The following PSD2 variants were observed in gnomAD, a reference collection of about 807,000 sequenced individuals.
PSD2 encodes PH and SEC7 domain-containing protein 2.
PSD2 carries 38 observed loss-of-function variants against 69.8 expected under a neutral mutation model. The observed-to-expected ratio is 0.54, with a 90% confidence interval of 0.42 to 0.71. The LOEUF (loss-of-function observed/expected upper bound fraction) is 0.71. PSD2 is among the 30% of genes least tolerant of loss of function. PSD2 has a pLI of 0.00. For synonymous variants in PSD2, 412 were observed against 423.0 expected (o/e 0.97, Z 0.32); for missense variants, 943 against 1,014.5 (o/e 0.93, Z 0.96).
rs571741918 is a variant in PSD2 at position 139,815,909 on chromosome 5, G to A, written c.1016+1545G>A. On this transcript the variant is annotated intron_variant, in intron 4 of 14. Coordinates refer to ENST00000274710, the MANE Select transcript of PSD2 (RefSeq NM_032289.4). The stretch of plus-strand genomic sequence containing the variant: ...CTCGGGAGGCTGAGGCAGGAGAATC[G>A]CTTGATCCTGGGAGGCGGAGGTTGC... 9.3e-5 allele frequency among the ~76,000 whole-genome samples: 14 copies of A among 149,912 alleles called. No homozygotes were observed. In the East Asian group the frequency reaches 9.9e-4, roughly 11 times the overall value.
At chr5:139,800,315 C>A (rs1759640631) in intron 1 of PSD2, among the ~76,000 whole-genome samples, 1 of 152,366 alleles carries the variant, frequency 6.6e-6, no homozygotes, top group South Asian at 2.1e-4. Context: ...CACTTTCAGT[C>A]CAAGCCCATG....
At chr5:139,749,895 G>T in the PSD2 span, among the ~76,000 whole-genome samples, 1 of 152,152 alleles carries the variant, frequency 6.6e-6, no homozygotes, top group African/African-American at 2.4e-5. Context: ...AGCTGGTATG[G>T]TGGTGTGAGC....
Position 139,809,493 on chromosome 5 carries a change from G to A in PSD2, c.53G>A (p.Arg18His), listed in dbSNP as rs746917815. The A allele has an allele frequency of 8.1e-6, 13 of 1,612,552 alleles. No individual in the cohort carries two copies. The highest frequency in any genetic ancestry group is 3.3e-5 in the Admixed American group (2 of 59,772). Residue 18 changes from arginine (R) to histidine (H), a missense_variant, in exon 2 of 15, where the codon CGT (arginine) becomes CAT (histidine). Coordinates refer to ENST00000274710, the MANE Select transcript of PSD2 (RefSeq NM_032289.4). Reference sequence around the variant, plus strand: ...GTGCCTGAGGAAGGCGATGCCACCCGTGACCCCGGTCCAGAGCCTGAAGAG... The same window carrying A: ...GTGCCTGAGGAAGGCGATGCCACCCATGACCCCGGTCCAGAGCCTGAAGAG... The part of the protein sequence containing the change: ...SAVPEEGDAT[R>H]DPGPEPEEEP...
At chr5:139,744,728 G>C in the PSD2 span, among the ~76,000 whole-genome samples, 4 of 152,108 alleles carry the variant, frequency 2.6e-5, no homozygotes, top group African/African-American at 4.8e-5. Context: ...TTTATGAGGC[G>C]GGCAGGAAGA....
the PSD2 span, among the ~76,000 whole-genome samples, chr5:139,790,120 G>A: frequency 8.5e-5 from 13 of 152,146 alleles, no homozygotes; most frequent in East Asian, 1.5e-3. Context: ...TGTGGCCTGC[G>A]TAAAGACTTG....
the PSD2 span, among the ~76,000 whole-genome samples, chr5:139,757,700 T>C: frequency 6.6e-6 from 1 of 152,162 alleles, no homozygotes; most frequent in East Asian, 1.9e-4. Context: ...AACGTATACA[T>C]AATATATGCT....
chr5:139,789,858 G>A, the PSD2 span, among the ~76,000 whole-genome samples: 1 of 152,082 alleles, frequency 6.6e-6, no homozygotes, highest in Non-Finnish European at 1.5e-5. Context: ...AATGGGAGAT[G>A]TGGATGAAGG....
At chr5:139,744,984 G>A in the PSD2 span, 2 of 152,648 alleles carry the variant, frequency 1.3e-5, no homozygotes, top group African/African-American at 4.8e-5. Context: ...CACACAGCAA[G>A]TTTGGTTCAT....
chr5:139,792,162 C>T (rs1476834192), upstream of PSD2, among the ~76,000 whole-genome samples: 2 of 100,578 alleles, frequency 2.0e-5, no homozygotes, highest in South Asian at 3.1e-4. Context: ...ATCTTGGGGT[C>T]GTGGGGGTGC....
Position 139,813,772 on chromosome 5 carries a change from C to T in PSD2, c.821+14C>T, listed in dbSNP as rs771298707. The stretch of plus-strand genomic sequence containing the variant: ...GAACTCAGCCAGGTGAGGCAGGGCC[C>T]AGGCTGGGAGAACCACCGAGCAGAT... On this transcript the variant is annotated intron_variant, in intron 3 of 14. Coordinates refer to ENST00000274710, the MANE Select transcript of PSD2 (RefSeq NM_032289.4). 6.3e-7 allele frequency: 1 copy of T among 1,584,042 alleles called. No homozygotes were observed. Among genetic ancestry groups the T allele is most frequent in the African/African-American group, 1.3e-5 (1 of 74,426 alleles).
intron 2 of PSD2, among the ~76,000 whole-genome samples, chr5:139,810,538 A>G (rs1759931103): frequency 6.6e-6 from 1 of 152,184 alleles, no homozygotes; most frequent in Non-Finnish European, 1.5e-5. Flanking sequence ...CCTGCCCTGC[A>G]TGTCATGTGT....
intron 2 of PSD2, 111 bp downstream of exon 2, chr5:139,809,922 T>A (rs914440248): frequency 1.6e-5 from 19 of 1,222,560 alleles, no homozygotes; most frequent in Admixed American, 2.4e-5. Context: ...ACACATAAAA[T>A]GGGGATTTCA....
chr5:139,809,183 G>T (rs112620980), intron 1 of PSD2, among the ~76,000 whole-genome samples: 4 of 152,238 alleles, frequency 2.6e-5, no homozygotes, highest in African/African-American at 4.8e-5. Context: ...GCTGGCCAGG[G>T]TCAAGGGTGA....
At chr5:139,751,790 C>CTTT in the PSD2 span, among the ~76,000 whole-genome samples, 19 of 120,392 alleles carry the variant, frequency 1.6e-4, no homozygotes, top group African/African-American at 2.7e-4. Flanking sequence ...AGGGTCCAGC[C>CTTT]TTTTTTTTTT....
the PSD2 span, among the ~76,000 whole-genome samples, chr5:139,790,608 T>G: frequency 1.3e-5 from 2 of 152,100 alleles, no homozygotes; most frequent in Non-Finnish European, 2.9e-5. Flanking sequence ...GAAGAAAGTA[T>G]GTCAAGGAGG....
the PSD2 span, among the ~76,000 whole-genome samples, chr5:139,762,254 G>T: frequency 2.0e-5 from 3 of 152,060 alleles, no homozygotes; most frequent in East Asian, 5.8e-4. Flanking sequence ...TGTTGGTCAG[G>T]CTGGTCTTGA....
chr5:139,809,596 C>A lies in PSD2; in HGVS notation c.156C>A (p.Gly52=). Residue 52 remains glycine (G), a synonymous_variant, in exon 2 of 15, where the codon GGC becomes GGA. Transcript: ENST00000274710. ...SLCSPGHERR[G]TPADTEEPTK... is the part of the protein sequence containing the mutation. The stretch of plus-strand genomic sequence containing the variant: ...GCAGCCCAGGGCACGAGCGAAGGGG[C>A]ACCCCAGCGGACACTGAGGAACCCA... The A allele has an allele frequency of 6.2e-7, 1 of 1,614,260 alleles. No individual in the cohort carries two copies. The highest frequency in any genetic ancestry group is 8.5e-7 in the Non-Finnish European group (1 of 1,180,034).
intron 7 of PSD2, among the ~76,000 whole-genome samples, chr5:139,829,423 C>T (rs537039397): frequency 1.3e-5 from 2 of 152,304 alleles, no homozygotes; most frequent in East Asian, 1.9e-4. Context: ...GCAATCGTTG[C>T]CACTGTCTAG....
At chr5:139,834,265 G>T (rs1760662170) in intron 8 of PSD2, among the ~76,000 whole-genome samples, 1 of 152,006 alleles carries the variant, frequency 6.6e-6, no homozygotes, top group African/African-American at 2.4e-5. Flanking sequence ...GTTTTTGGTG[G>T]CTCGGTGATG....
Sources: allele counts gnomAD v4.1 joint callset (sites outside exome capture counted in the v4.1 genomes callset), GRCh38; gene constraint gnomAD v4.1.1; transcripts MANE v1.5; gene names NCBI Gene and HGNC (gene_info 2026-07-23, HGNC 2026-07-21).